ETF1: variants seen among roughly 807,000 people sequenced by gnomAD.
The protein encoded by ETF1 is eukaryotic peptide chain release factor subunit 1.
In ETF1, 4 loss-of-function variants were observed where a neutral mutation model predicts 55.1. The ratio of observed to expected loss-of-function variants is 0.07; its 90% CI spans 0.04 to 0.17. The LOEUF is 0.17. ETF1 is among the 10% of genes least tolerant of loss of function. The pLI is 1.00. For synonymous variants in ETF1, 157 were observed against 182.3 expected (o/e 0.86, Z 1.12); for missense variants, 142 against 523.6 (o/e 0.27, Z 7.11).
chr5:138,542,652 C>A, intron 2 of ETF1, 181 bp downstream of exon 2: 6 of 1,431,648 alleles, frequency 4.2e-6, no homozygotes, highest in Non-Finnish European at 4.6e-6. Flanking sequence ...GGGGAAAGGA[C>A]CCCTTCTCGG....
intron 2 of ETF1, among the ~76,000 whole-genome samples, chr5:138,538,639 A>G (rs1185874559): frequency 6.6e-6 from 1 of 152,140 alleles, no homozygotes; most frequent in African/African-American, 2.4e-5. Flanking sequence ...GTATCATTTT[A>G]GCTACAACCA....
rs1204860423 is a variant in ETF1, at chr5:138,542,931, T to C, written c.-13A>G. 3.1e-6 allele frequency: 5 copies of C among 1,613,294 alleles called. No individual in the cohort carries two copies. Among genetic ancestry groups the C allele is most frequent in the Non-Finnish European group, 1.7e-6 (2 of 1,179,780 alleles). On this transcript the variant is annotated 5_prime_UTR_variant, in exon 2 of 11. Coordinates refer to ENST00000360541, the MANE Select transcript of ETF1 (RefSeq NM_004730.4). ...GGTCGTCCGCCATCTTCTCGCCTCC[T>C]CCTCCCTAGAGCGGCCCGGCGGGGC...
chr5:138,512,262 T>TATATATATATATATA (rs58527715), intron 6 of ETF1, among the ~76,000 whole-genome samples: 65 of 16,068 alleles, frequency 4.0e-3, no homozygotes, highest in African/African-American at 0.015. Flanking sequence ...ATATATATTT[T>TATATATATATATATA]TTTTTTTTTT....
chr5:138,531,975 G>A (rs909883221), intron 2 of ETF1, among the ~76,000 whole-genome samples: 9 of 152,274 alleles, frequency 5.9e-5, no homozygotes, highest in African/African-American at 1.9e-4. Context: ...TGAACCGGGA[G>A]GCGGAGCTTG....
rs528348704 is a variant in ETF1 at position 138,534,999 on chromosome 5, T to G, written c.86+7834A>C. 2.7e-5 allele frequency among the ~76,000 whole-genome samples: 4 copies of G among 146,140 alleles called. No homozygotes were observed. The South Asian group carries it at 8.8e-4, about 32-fold the overall frequency. On this transcript the variant is annotated intron_variant, in intron 2 of 10. Coordinates refer to ENST00000360541, the MANE Select transcript of ETF1 (RefSeq NM_004730.4). ...TTTTTTTTTTGAGACAGAGTCTCCC[T>G]CTATAGCCCAGGCTGGTATTGGCTC...
intron 2 of ETF1, among the ~76,000 whole-genome samples, chr5:138,533,777 C>G (rs1432996297): frequency 6.6e-6 from 1 of 152,188 alleles, no homozygotes; most frequent in Non-Finnish European, 1.5e-5. Context: ...CCATCTTTCA[C>G]TGCACCTAAA....
chr5:138,517,473 G>A (rs1024267293), intron 4 of ETF1, 88 bp downstream of exon 4: 10 of 621,200 alleles, frequency 1.6e-5, no homozygotes, highest in East Asian at 3.0e-5. Flanking sequence ...AATGAGACAG[G>A]TAAGTGGGAG....
intron 2 of ETF1, among the ~76,000 whole-genome samples, chr5:138,523,323 A>G (rs1325086973): frequency 6.6e-6 from 1 of 150,752 alleles, no homozygotes; most frequent in Non-Finnish European, 1.5e-5. Context: ...GCCGAGATAG[A>G]GCCACTGCAC....
At chr5:138,537,838 C>T (rs977127396) in intron 2 of ETF1, among the ~76,000 whole-genome samples, 4 of 151,560 alleles carry the variant, frequency 2.6e-5, no homozygotes, top group African/African-American at 9.7e-5. Flanking sequence ...CCTTGGCCTC[C>T]CAAAGTGCTG....
intron 2 of ETF1, chr5:138,529,522 T>C (rs1489805659): frequency 1.2e-6 from 1 of 843,250 alleles, no homozygotes; most frequent in African/African-American, 1.8e-5. Context: ...ACATGCAGGT[T>C]GTAAAAACTG....
intron 6 of ETF1, among the ~76,000 whole-genome samples, chr5:138,512,233 T>C (rs867439274): frequency 2.2e-4 from 2 of 8,954 alleles, no homozygotes; most frequent in Non-Finnish European, 3.8e-4. Context: ...AAAATATATA[T>C]ATATATATAT....
chr5:138,517,972 T>G (rs1054827872), intron 3 of ETF1: 12 of 710,728 alleles, frequency 1.7e-5, no homozygotes, highest in Non-Finnish European at 2.1e-5. Context: ...GAGGCCGAGG[T>G]AGGCGGATCA....
intron 2 of ETF1, among the ~76,000 whole-genome samples, chr5:138,519,438 C>T (rs1400189213): frequency 2.6e-5 from 4 of 151,276 alleles, no homozygotes; most frequent in East Asian, 1.9e-4. Context: ...CCGAGGCGGG[C>T]GGATCACAAG....
intron 5 of ETF1, 109 bp downstream of exon 5, chr5:138,513,459 C>T (rs757978689): frequency 3.0e-6 from 3 of 986,362 alleles, no homozygotes; most frequent in Non-Finnish European, 4.6e-6. Context: ...CCGGCTCGGC[C>T]TCCCAAAGTG....
At chr5:138,513,442 G>A in intron 5 of ETF1, 126 bp downstream of exon 5, 1 of 858,712 alleles carries the variant, frequency 1.2e-6, no homozygotes, top group Non-Finnish European at 1.8e-6. Context: ...CTGACTTCGT[G>A]ATCCACCCGG....
intron 2 of ETF1, among the ~76,000 whole-genome samples, chr5:138,538,156 C>T (rs907696589): frequency 6.7e-6 from 1 of 149,460 alleles, no homozygotes; most frequent in South Asian, 2.1e-4. Context: ...TCCCAAAGTG[C>T]TAGGATTACA....
intron 1 of ETF1, 41 bp downstream of exon 1, chr5:138,543,056 T>C (rs1306678343): frequency 3.5e-6 from 3 of 869,366 alleles, no homozygotes; most frequent in Non-Finnish European, 5.3e-6. Context: ...CCGGTGCAGC[T>C]CGCCACAAAG....
At chr5:138,527,682 GA>G (rs1211864610) in intron 2 of ETF1, among the ~76,000 whole-genome samples, 1 of 152,108 alleles carries the variant, frequency 6.6e-6, no homozygotes, top group Non-Finnish European at 1.5e-5. Context: ...AAAAGATGGG[GA>G]AAACACTTGA....
intron 8 of ETF1, 38 bp from the exon 9 acceptor site, chr5:138,510,667 C>T: frequency 1.2e-6 from 2 of 1,611,318 alleles, no homozygotes; most frequent in Non-Finnish European, 1.7e-6. Context: ...TAACCTGGCT[C>T]TCATATACTA....
Sources: gnomAD v4.1 joint callset for allele counts (sites outside exome capture counted in the v4.1 genomes callset) on GRCh38, gnomAD v4.1.1 for gene constraint, MANE v1.5 for transcripts, NCBI Gene and HGNC (gene_info 2026-07-23, HGNC 2026-07-21) for gene names.